Variants in CNTN5 observed in about 807,000 individuals in gnomAD.
The protein encoded by CNTN5 is contactin 5.
In CNTN5, 77 loss-of-function variants were observed where a neutral mutation model predicts 129.1. The observed-to-expected ratio is 0.60, with a 90% CI of 0.50 to 0.72. CNTN5 has a LOEUF of 0.72. Among genes scored for constraint, CNTN5 ranks in the 30% least tolerant of loss-of-function variants. The pLI is 0.00. For missense variants in CNTN5, 1,478 were observed against 1,328.8 expected, an observed-to-expected ratio of 1.11 and a Z score of -1.75; for synonymous variants, 509 against 465.6, an observed-to-expected ratio of 1.09 and a Z score of -1.20.
chr11:99,768,912 A>C (rs1944850245), intron 3 of CNTN5, among the ~76,000 whole-genome samples: 2 of 152,182 alleles, frequency 1.3e-5, no homozygotes, highest in Admixed American at 6.5e-5. Context: ...ACATCTATTG[A>C]TGATCCTTGC....
intron 13 of CNTN5, among the ~76,000 whole-genome samples, chr11:100,142,615 A>G (rs1946730915): frequency 6.6e-6 from 1 of 152,128 alleles, no homozygotes; most frequent in African/African-American, 2.4e-5. Context: ...CTTTTAATCA[A>G]AACACAGCAT....
At chr11:100,212,093 A>G (rs1364152697) in intron 15 of CNTN5, among the ~76,000 whole-genome samples, 1 of 152,048 alleles carries the variant, frequency 6.6e-6, no homozygotes, top group African/African-American at 2.4e-5. Flanking sequence ...ACTCTGTCCT[A>G]CTGTAGTCCT....
chr11:99,153,716 A>G (rs1260062611), intron 1 of CNTN5, among the ~76,000 whole-genome samples: 1 of 151,294 alleles, frequency 6.6e-6, no homozygotes, highest in East Asian at 1.9e-4. Flanking sequence ...GTGAGAAGAC[A>G]CTCAGGATTT....
chr11:99,245,288 G>C (rs1039850600), intron 1 of CNTN5, among the ~76,000 whole-genome samples: 2 of 152,036 alleles, frequency 1.3e-5, no homozygotes, highest in African/African-American at 4.8e-5. Flanking sequence ...TATTTCTATA[G>C]TTTTGATTTT....
chr11:99,602,332 G>A (rs1045976757), intron 3 of CNTN5, among the ~76,000 whole-genome samples: 1 of 152,032 alleles, frequency 6.6e-6, no homozygotes, highest in Admixed American at 6.6e-5. Context: ...AATAGATTTA[G>A]TTAGTAGAAA....
intron 3 of CNTN5, among the ~76,000 whole-genome samples, chr11:99,806,626 G>A (rs147888834): frequency 6.6e-6 from 1 of 151,932 alleles, no homozygotes; most frequent in Non-Finnish European, 1.5e-5. Context: ...GGCCAACATG[G>A]TGAAACCCTG....
In CNTN5 at chr11:99,395,446, T is replaced by C. The variant is rs1383907523; in HGVS notation, c.-71+69962T>C. On this transcript the variant is annotated intron_variant, in intron 2 of 24. Transcript: ENST00000524871. ...CTTATAGATGCTGGACGCTAGACTT[T>C]TGTTAGATGTATAATTTGCAAAAAT... 2.6e-5 allele frequency among the ~76,000 whole-genome samples: 4 copies of C among 152,032 alleles called. No homozygotes were observed. In the East Asian group the frequency reaches 7.7e-4, roughly 29 times the overall value.
intron 16 of CNTN5, among the ~76,000 whole-genome samples, chr11:100,234,199 G>A (rs1177998280): frequency 6.6e-6 from 1 of 150,420 alleles, no homozygotes; most frequent in Non-Finnish European, 1.5e-5. Context: ...GTTGGTGGGA[G>A]TGTAAATTAG....
At chr11:99,796,882 C>T (rs1252822788) in intron 3 of CNTN5, among the ~76,000 whole-genome samples, 1 of 152,216 alleles carries the variant, frequency 6.6e-6, no homozygotes, top group East Asian at 1.9e-4. Flanking sequence ...ACTCAAGTGT[C>T]TCTGGAGGTC....
intron 2 of CNTN5, among the ~76,000 whole-genome samples, chr11:99,393,149 A>G (rs989269912): frequency 2.6e-5 from 4 of 151,852 alleles, no homozygotes; most frequent in Non-Finnish European, 5.9e-5. Flanking sequence ...AAGGGCAGAA[A>G]TTGTCCAGAA....
At chr11:99,599,985 G>T (rs11220595) in intron 3 of CNTN5, among the ~76,000 whole-genome samples, 1 of 152,002 alleles carries the variant, frequency 6.6e-6, no homozygotes, top group African/African-American at 2.4e-5. Context: ...TCCTGATGAC[G>T]GCAGGACTGA....
intron 2 of CNTN5, among the ~76,000 whole-genome samples, chr11:99,460,291 A>G (rs1944647188): frequency 6.6e-6 from 1 of 151,496 alleles, no homozygotes; most frequent in Non-Finnish European, 1.5e-5. Context: ...TATTTAAGAA[A>G]TATTAATTAT....
intron 2 of CNTN5, among the ~76,000 whole-genome samples, chr11:99,411,579 A>G (rs996856179): frequency 2.0e-5 from 3 of 152,172 alleles, no homozygotes; most frequent in Admixed American, 1.3e-4. Flanking sequence ...AGCTCTTTTT[A>G]TCACAGCTCT....
intron 3 of CNTN5, among the ~76,000 whole-genome samples, chr11:99,779,027 C>T (rs1242300134): frequency 2.6e-5 from 4 of 151,780 alleles, no homozygotes; most frequent in African/African-American, 9.7e-5. Flanking sequence ...TTTTATACCT[C>T]ATCAGAAAAT....
intron 8 of CNTN5, among the ~76,000 whole-genome samples, chr11:99,979,076 T>C (rs1257995896): frequency 6.6e-6 from 1 of 152,176 alleles, no homozygotes; most frequent in Non-Finnish European, 1.5e-5. Flanking sequence ...ATGTAAAGAT[T>C]AGAATAATTA....
chr11:99,771,983 T>C (rs997737650), intron 3 of CNTN5, among the ~76,000 whole-genome samples: 4 of 151,604 alleles, frequency 2.6e-5, no homozygotes, highest in Non-Finnish European at 5.9e-5. Context: ...GAAAAAAATG[T>C]CTCTAATAAA....
rs552066224 is a variant in CNTN5 at position 99,819,687 on chromosome 11, C to G, written c.199C>G (p.Pro67Ala). 1.2e-6 allele frequency: 2 copies of G among 1,612,942 alleles called. No homozygotes were observed. The highest frequency in any genetic ancestry group is 2.2e-5 in the East Asian group (1 of 44,862). The stretch of plus-strand genomic sequence containing the variant: ...ATTAGGAACACTGAGTGCTTCTTCA[C>G]CCAGCTGGCTAGGGGCAGCTCAGAA... ...PSLGTLSASS[P>A]SWLGAAQNYY... is the part of the protein sequence containing the mutation. The change falls in exon 4 of 25, where the codon CCC becomes GCC. Residue 67 changes from proline (P) to alanine (A), a missense_variant. By Grantham distance (27) the Pro-to-Ala change is conservative. Coordinates refer to ENST00000524871, the MANE Select transcript of CNTN5 (RefSeq NM_014361.4).
intron 1 of CNTN5, among the ~76,000 whole-genome samples, chr11:99,244,309 T>A (rs1197762661): frequency 6.6e-6 from 1 of 152,186 alleles, no homozygotes; most frequent in East Asian, 1.9e-4. Context: ...TGATTTTGTA[T>A]CCTGAAACAT....
At chr11:99,476,456 T>C (rs1224536263) in intron 2 of CNTN5, among the ~76,000 whole-genome samples, 1 of 152,162 alleles carries the variant, frequency 6.6e-6, no homozygotes, top group Non-Finnish European at 1.5e-5. Context: ...AGCAATGATC[T>C]TTTAAAAAAT....
Sources: gnomAD v4.1 joint callset for allele counts (sites outside exome capture counted in the v4.1 genomes callset) on GRCh38, gnomAD v4.1.1 for gene constraint, MANE v1.5 for transcripts, NCBI Gene and HGNC (gene_info 2026-07-23, HGNC 2026-07-21) for gene names.